Variants in SMURF1 observed in about 807,000 individuals in gnomAD.
SMURF1 encodes E3 ubiquitin-protein ligase SMURF1.
In SMURF1, 44 loss-of-function variants were observed where a neutral mutation model predicts 98.0. The observed-to-expected ratio is 0.45, with a 90% CI of 0.35 to 0.58. The LOEUF (loss-of-function observed/expected upper bound fraction) is 0.58. SMURF1 is among the 20% of genes least tolerant of loss of function. SMURF1 has a pLI of 0.00. For synonymous variants in SMURF1, 396 were observed against 374.9 expected (o/e 1.06, Z -0.65); for missense variants, 687 against 938.4 (o/e 0.73, Z 3.50).
intron 1 of SMURF1, among the ~76,000 whole-genome samples, chr7:99,143,234 G>C (rs1408679171): frequency 7.4e-6 from 1 of 135,546 alleles, no homozygotes; most frequent in Non-Finnish European, 1.6e-5. Flanking sequence ...AAGGACCACA[G>C]GGATGGAGGT....
intron 4 of SMURF1, 55 bp from the exon 5 acceptor site, chr7:99,057,325 C>G: frequency 6.2e-7 from 1 of 1,613,654 alleles, no homozygotes; most frequent in South Asian, 1.1e-5. Flanking sequence ...GGGAGGAAGG[C>G]AGGAATTCAG....
chr7:99,132,700 A>G (rs1797896843), intron 1 of SMURF1, among the ~76,000 whole-genome samples: 1 of 30,798 alleles, frequency 3.2e-5, no homozygotes, highest in African/African-American at 3.9e-4. Flanking sequence ...AGACACACGG[A>G]CACACACACA....
intron 2 of SMURF1, 75 bp downstream of exon 2, chr7:99,061,724 T>A: frequency 8.2e-7 from 1 of 1,221,886 alleles, no homozygotes; most frequent in East Asian, 2.4e-5. Flanking sequence ...ATATACCCAA[T>A]CTTTTTTTAA....
intron 1 of SMURF1, among the ~76,000 whole-genome samples, chr7:99,102,966 G>A (rs940519111): frequency 3.3e-5 from 5 of 151,832 alleles, no homozygotes; most frequent in Non-Finnish European, 2.9e-5. Flanking sequence ...ATCATGCCTG[G>A]CTTATTTTTC....
At chr7:99,065,741 C>T (rs1796172318) in intron 1 of SMURF1, among the ~76,000 whole-genome samples, 1 of 152,094 alleles carries the variant, frequency 6.6e-6, no homozygotes, top group African/African-American at 2.4e-5. Flanking sequence ...GAGACCTTAC[C>T]AGCCCCCATC....
intron 1 of SMURF1, among the ~76,000 whole-genome samples, chr7:99,093,904 T>C (rs933638684): frequency 6.6e-6 from 1 of 152,138 alleles, no homozygotes; most frequent in African/African-American, 2.4e-5. Flanking sequence ...TATGTTGTAA[T>C]ATATTAATTT....
At chr7:99,137,230 T>C (rs1235581826) in intron 1 of SMURF1, among the ~76,000 whole-genome samples, 1 of 152,220 alleles carries the variant, frequency 6.6e-6, no homozygotes, top group African/African-American at 2.4e-5. Context: ...ATTAATACTG[T>C]GCTACTCTAT....
intron 8 of SMURF1, chr7:99,051,025 GAA>G: frequency 6.6e-7 from 1 of 1,518,038 alleles, no homozygotes; most frequent in Non-Finnish European, 8.9e-7. Flanking sequence ...GTAGAAGAGA[GAA>G]AGGGTAACAG....
At chr7:99,070,324 A>G (rs1224438290) in intron 1 of SMURF1, among the ~76,000 whole-genome samples, 1 of 152,118 alleles carries the variant, frequency 6.6e-6, no homozygotes, top group Non-Finnish European at 1.5e-5. Context: ...CTAGTCCAGA[A>G]AGCTCTTCTA....
At chr7:99,079,173 G>A (rs1206938668) in intron 1 of SMURF1, among the ~76,000 whole-genome samples, 2 of 152,252 alleles carry the variant, frequency 1.3e-5, no homozygotes, top group African/African-American at 4.8e-5. Context: ...CCTCGGGCAG[G>A]GCGTGTGGCC....
chr7:99,049,751 A>G lies in SMURF1; in HGVS notation c.807-42T>C, dbSNP rs1366257575. ...TACAGAGAGGTTTGTCCAACTGAGT[A>G]TGGAGGAATGAGACCAAAAGTCAGC... On this transcript the variant is annotated intron_variant, in intron 8 of 17. Coordinates refer to ENST00000361368, the MANE Select transcript of SMURF1 (RefSeq NM_181349.3). 3.2e-6 allele frequency: 5 copies of G among 1,584,078 alleles called. No homozygotes were observed. The Admixed American group carries it at 7.2e-5, about 23-fold the overall frequency.
chr7:99,116,327 T>C (rs998708141), intron 1 of SMURF1, among the ~76,000 whole-genome samples: 3 of 152,160 alleles, frequency 2.0e-5, no homozygotes, highest in African/African-American at 7.2e-5. Context: ...TCATATTTAC[T>C]GGTGAAAGAC....
Position 99,030,541 on chromosome 7 carries a change from G to T in SMURF1, c.*43C>A, listed in dbSNP as rs373051217. 7.7e-6 allele frequency: 12 copies of T among 1,548,762 alleles called. No homozygotes were observed. Among genetic ancestry groups the T allele is most frequent in the Admixed American group, 3.3e-5 (2 of 59,712 alleles). Reference sequence around the variant, plus strand: ...GGTGCACAGAAGCTGGATGCTTTTGGTCTGGTGGCCATGAGCTAGACTCTG... The same window carrying T: ...GGTGCACAGAAGCTGGATGCTTTTGTTCTGGTGGCCATGAGCTAGACTCTG... On this transcript the variant is annotated 3_prime_UTR_variant, in exon 18 of 18. Transcript: ENST00000361368.
intron 1 of SMURF1, among the ~76,000 whole-genome samples, chr7:99,089,851 C>T (rs1319561081): frequency 2.0e-5 from 3 of 152,152 alleles, no homozygotes; most frequent in Non-Finnish European, 4.4e-5. Context: ...TGCAAACCCA[C>T]CTACATGGAT....
At chr7:99,107,138 T>C (rs1176325347) in intron 1 of SMURF1, among the ~76,000 whole-genome samples, 3 of 152,164 alleles carry the variant, frequency 2.0e-5, no homozygotes, top group African/African-American at 7.2e-5. Context: ...ATCACCTCTG[T>C]AGCAAGGGTG....
chr7:99,077,318 T>C (rs1189766173), intron 1 of SMURF1, among the ~76,000 whole-genome samples: 1 of 151,108 alleles, frequency 6.6e-6, no homozygotes, highest in Admixed American at 6.6e-5. Flanking sequence ...ACTTCTTTTT[T>C]TTTATTTTTT....
At chr7:99,064,878 A>G (rs1461035961) in intron 1 of SMURF1, among the ~76,000 whole-genome samples, 2 of 152,196 alleles carry the variant, frequency 1.3e-5, no homozygotes, top group African/African-American at 2.4e-5. Flanking sequence ...TAGAAAATCC[A>G]CAGCCCCAAA....
chr7:99,058,610 C>T (rs926436521), intron 3 of SMURF1, among the ~76,000 whole-genome samples: 5 of 152,272 alleles, frequency 3.3e-5, no homozygotes, highest in East Asian at 1.9e-4. Flanking sequence ...TGCAAGTCAA[C>T]GGAGAGAGGA....
At position 99,030,321 on chromosome 7, in the gene SMURF1, A is replaced by T. The variant is rs1794830222; in HGVS notation, c.*263T>A. ...ACAGCAGAATATCCTGTGTGACCAA[A>T]GCCAAAGGCTAAACCTGGCTGCATT... On this transcript the variant is annotated 3_prime_UTR_variant, in exon 18 of 18. Coordinates refer to ENST00000361368, the MANE Select transcript of SMURF1 (RefSeq NM_181349.3). The T allele has an allele frequency of 4.3e-6, 2 of 463,916 alleles. No individual in the cohort carries two copies. The highest frequency in any genetic ancestry group is 7.9e-6 in the Non-Finnish European group (2 of 251,606). 28.7% of individuals were successfully genotyped at this position (463,916 alleles called of 1,614,324 possible).
Sources: allele counts gnomAD v4.1 joint callset (sites outside exome capture counted in the v4.1 genomes callset), GRCh38; gene constraint gnomAD v4.1.1; transcripts MANE v1.5; gene names NCBI Gene and HGNC (gene_info 2026-07-23, HGNC 2026-07-21).